XKR9: variants seen among roughly 807,000 people sequenced by gnomAD.
XKR9 encodes the protein XK-related protein 9.
Under a neutral mutation model 32.0 loss-of-function variants are expected in XKR9, and 32 were observed. That is an observed-to-expected ratio of 1.00 (90% CI 0.76 to 1.34). The LOEUF (loss-of-function observed/expected upper bound fraction) is 1.34. Ranked by LOEUF, XKR9 falls within the 40% of genes most tolerant of loss-of-function variation. The pLI is 0.00. For synonymous variants in XKR9, 168 were observed against 143.4 expected (o/e 1.17, Z -1.22); for missense variants, 546 against 429.7 (o/e 1.27, Z -2.39).
At chr8:70,760,748 T>G (rs941077005) in intron 2 of XKR9, among the ~76,000 whole-genome samples, 1 of 152,182 alleles carries the variant, frequency 6.6e-6, no homozygotes, top group Non-Finnish European at 1.5e-5. Flanking sequence ...ATGTGCAGGA[T>G]GTGCAGGTTT....
At chr8:71,061,740 A>G in the XKR9 span, among the ~76,000 whole-genome samples, 34 of 152,324 alleles carry the variant, frequency 2.2e-4, no homozygotes, top group African/African-American at 8.2e-4. Context: ...GGGAGTGAGA[A>G]GCCACCCAGG....
At chr8:71,019,526 C>T in the XKR9 span, among the ~76,000 whole-genome samples, 4 of 152,046 alleles carry the variant, frequency 2.6e-5, no homozygotes, top group African/African-American at 9.7e-5. Flanking sequence ...TGTGCTGGGC[C>T]CAATAGAGAG....
At chr8:70,808,516 G>A in the XKR9 span, among the ~76,000 whole-genome samples, 1 of 152,178 alleles carries the variant, frequency 6.6e-6, no homozygotes, top group Admixed American at 6.5e-5. Context: ...CACCCAGGAA[G>A]CACAAGGGGT....
chr8:70,838,841 G>GA, the XKR9 span, among the ~76,000 whole-genome samples: 2 of 151,946 alleles, frequency 1.3e-5, no homozygotes, highest in African/African-American at 4.8e-5. Flanking sequence ...TACAAAAGTA[G>GA]AAAAAACTAG....
At chr8:70,854,613 A>G in the XKR9 span, among the ~76,000 whole-genome samples, 2 of 152,166 alleles carry the variant, frequency 1.3e-5, no homozygotes, top group African/African-American at 2.4e-5. Flanking sequence ...TATGTCCTGA[A>G]TGGTATTGCC....
At chr8:70,804,818 A>G in the XKR9 span, among the ~76,000 whole-genome samples, 1 of 152,180 alleles carries the variant, frequency 6.6e-6, no homozygotes, top group African/African-American at 2.4e-5. Context: ...TCATGGACTC[A>G]TTTTATTTTG....
At chr8:70,690,320 C>G (rs1056718416) in intron 3 of XKR9, among the ~76,000 whole-genome samples, 2 of 151,996 alleles carry the variant, frequency 1.3e-5, no homozygotes, top group African/African-American at 4.8e-5. Flanking sequence ...TTCATAAGTT[C>G]TTACAATTTA....
the XKR9 span, among the ~76,000 whole-genome samples, chr8:70,817,213 A>G: frequency 3.3e-5 from 5 of 152,278 alleles, no homozygotes; most frequent in South Asian, 8.3e-4. Context: ...GTGTGATTCT[A>G]TATGTAGAAA....
chr8:70,937,255 A>G, the XKR9 span, among the ~76,000 whole-genome samples: 1 of 152,062 alleles, frequency 6.6e-6, no homozygotes, highest in Non-Finnish European at 1.5e-5. Context: ...ACTAAAGTTT[A>G]AGATATGTTT....
the XKR9 span, among the ~76,000 whole-genome samples, chr8:70,933,766 A>G: frequency 1.4e-4 from 21 of 151,946 alleles, no homozygotes; most frequent in Non-Finnish European, 2.5e-4. Flanking sequence ...TTTGATTTTT[A>G]TACTCTCTAG....
chr8:71,062,393 T>A, the XKR9 span, among the ~76,000 whole-genome samples: 1 of 152,182 alleles, frequency 6.6e-6, no homozygotes, highest in Non-Finnish European at 1.5e-5. Flanking sequence ...CTTTTTGTTG[T>A]AACCTCACAT....
chr8:70,809,081 C>G, the XKR9 span, among the ~76,000 whole-genome samples: 1 of 152,174 alleles, frequency 6.6e-6, no homozygotes, highest in Admixed American at 6.5e-5. Flanking sequence ...TGGCTGGGTA[C>G]TCCTCTGAGA....
the XKR9 span, among the ~76,000 whole-genome samples, chr8:70,811,219 G>C: frequency 1.3e-5 from 2 of 150,806 alleles, no homozygotes; most frequent in Admixed American, 1.3e-4. Flanking sequence ...GAAGGCAGAC[G>C]TAAAGATGTT....
the XKR9 span, among the ~76,000 whole-genome samples, chr8:70,855,221 G>C: frequency 6.6e-6 from 1 of 151,614 alleles, no homozygotes; most frequent in African/African-American, 2.4e-5. Flanking sequence ...AAGAAGTTAA[G>C]AACCTCAAAA....
At chr8:70,977,958 C>G in the XKR9 span, among the ~76,000 whole-genome samples, 3 of 152,188 alleles carry the variant, frequency 2.0e-5, no homozygotes, top group African/African-American at 2.4e-5. Flanking sequence ...ATTAGCTCTT[C>G]TTGTTGAATT....
At chr8:70,938,544 A>G in the XKR9 span, among the ~76,000 whole-genome samples, 1 of 151,330 alleles carries the variant, frequency 6.6e-6, no homozygotes, top group South Asian at 2.1e-4. Flanking sequence ...ATGCTGGAAA[A>G]CCCTCTGTCA....
rs757050196 is a variant in XKR9 at position 70,734,499 on chromosome 8, G to A, written c.*75G>A. ...TAAAGAAAATGTGTGTTATGTGGGT[G>A]TGTTGTCTCTTATTTTTGCCACCTT... On this transcript the variant is annotated 3_prime_UTR_variant, in exon 5 of 5. Transcript: ENST00000408926. 32 of 1,394,452 alleles carry A rather than the reference G, an allele frequency of 2.3e-5. No individual in the cohort carries two copies. The highest frequency in any genetic ancestry group is 3.1e-5 in the Admixed American group (1 of 32,620). 86.4% of individuals were successfully genotyped at this position (1,394,452 alleles called of 1,614,324 possible).
chr8:70,939,728 T>C, the XKR9 span, among the ~76,000 whole-genome samples: 2 of 152,028 alleles, frequency 1.3e-5, no homozygotes, highest in African/African-American at 4.8e-5. Flanking sequence ...ATCAGCTGTG[T>C]TCCAGGCTTT....
At chr8:70,821,657 C>A in the XKR9 span, among the ~76,000 whole-genome samples, 1 of 152,236 alleles carries the variant, frequency 6.6e-6, no homozygotes, top group South Asian at 2.1e-4. Context: ...CGTGCCTTCA[C>A]GATCAACATC....
Sources: allele counts gnomAD v4.1 joint callset (sites outside exome capture counted in the v4.1 genomes callset), GRCh38; gene constraint gnomAD v4.1.1; transcripts MANE v1.5; gene names NCBI Gene and HGNC (gene_info 2026-07-23, HGNC 2026-07-21).